The following WTIP variants were observed in gnomAD, a reference collection of about 807,000 sequenced individuals.
WTIP encodes Wilms tumor protein 1-interacting protein.
In WTIP, 23 loss-of-function variants were observed where a neutral mutation model predicts 41.7. That is an observed-to-expected ratio of 0.55 (90% CI 0.40 to 0.78). The LOEUF is 0.78. Ranked by LOEUF, WTIP falls within the 30% of genes least tolerant of loss-of-function variation. The pLI is 0.00. For synonymous variants in WTIP, 314 were observed against 269.9 expected (o/e 1.16, Z -1.60); for missense variants, 619 against 610.5 (o/e 1.01, Z -0.15).
At position 34,490,455 on chromosome 19, in the gene WTIP, C is replaced by T; in HGVS notation, c.747C>T (p.Asp249=). 1 of 1,613,952 alleles carries T rather than the reference C, an allele frequency of 6.2e-7. No individual in the cohort carries two copies. The highest frequency in any genetic ancestry group is 8.5e-7 in the Non-Finnish European group (1 of 1,179,856). Reference sequence around the variant, plus strand: ...CAATGGGGAGTCTTTATCACACTGACTGCTTCACCTGCGACTCGTGTGGTA... The same window carrying T: ...CAATGGGGAGTCTTTATCACACTGATTGCTTCACCTGCGACTCGTGTGGTA... ...CQAMGSLYHT[D]CFTCDSCGRR... The change falls in exon 2 of 8, where the codon GAC becomes GAT. Residue 249 remains aspartate, a synonymous_variant. Transcript: ENST00000590071.
chr19:34,485,118 C>T (rs2075791029), intron 1 of WTIP, among the ~76,000 whole-genome samples: 1 of 152,132 alleles, frequency 6.6e-6, no homozygotes, highest in Non-Finnish European at 1.5e-5. Flanking sequence ...GAGTCTTGCT[C>T]TGTCGCCCAG....
At chr19:34,497,461 G>A (rs1408682722) in intron 7 of WTIP, among the ~76,000 whole-genome samples, 1 of 152,196 alleles carries the variant, frequency 6.6e-6, no homozygotes, top group African/African-American at 2.4e-5. Context: ...GTCCCATGAT[G>A]GACACAGGGA....
chr19:34,482,327 A>T lies in WTIP; in HGVS notation c.353A>T (p.His118Leu). The stretch of plus-strand genomic sequence containing the variant: ...ATCAGCCTGGGCTACGACCAGCGCC[A>T]CGGCAGCCCGCGCTCCGGTCGCTCG... ...SGISLGYDQRHGSPRSGRSDP... is the reference protein window; with the variant it reads ...SGISLGYDQRLGSPRSGRSDP... The change falls in exon 1 of 8, where the codon CAC becomes CTC. Residue 118 changes from histidine to leucine, a missense_variant. His to Leu is a moderately conservative substitution (Grantham distance 99, BLOSUM62 -3). Around this residue, in one of 3 missense-constraint regions of WTIP, gnomAD observed 363 missense variants for 309.0 expected, o/e 1.17. Transcript: ENST00000590071. The T allele has an allele frequency of 2.2e-6, 3 of 1,384,554 alleles. No individual in the cohort carries two copies. The highest frequency in any genetic ancestry group is 2.8e-6 in the Non-Finnish European group (3 of 1,063,334). The allele number at this position is 1,384,554 out of a possible 1,614,324, so 85.8% of individuals were successfully genotyped here. A position where few individuals can be genotyped will look rare whatever the true frequency, so the allele number is the denominator to read the frequency against.
chr19:34,496,542 A>G (rs575513499), intron 7 of WTIP, among the ~76,000 whole-genome samples: 2 of 151,744 alleles, frequency 1.3e-5, no homozygotes, highest in East Asian at 3.9e-4. Flanking sequence ...TGGGGGAGGG[A>G]GTGAAGGCAG....
intron 1 of WTIP, among the ~76,000 whole-genome samples, chr19:34,483,392 A>C (rs1470843109): frequency 6.6e-6 from 1 of 152,010 alleles, no homozygotes; most frequent in African/African-American, 2.4e-5. Flanking sequence ...GATGAGCAGA[A>C]AGGGGTGCTT....
intron 1 of WTIP, among the ~76,000 whole-genome samples, chr19:34,482,917 CTAACT>C (rs536956132): frequency 2.6e-3 from 400 of 151,956 alleles, no homozygotes; most frequent in African/African-American, 9.2e-3. Flanking sequence ...TGTGCGGTTC[CTAACT>C]TAACAGGCAA....
In WTIP at chr19:34,482,442, C is replaced by G; in HGVS notation, c.468C>G (p.Tyr156Ter). The G allele has an allele frequency of 7.6e-7, 1 of 1,316,412 alleles. No homozygotes were observed. The allele number at this position is 1,316,412 out of a possible 1,614,324, so 81.5% of individuals were successfully genotyped here. The change falls in exon 1 of 8, where the codon TAC becomes TAG. Residue 156 changes from tyrosine to a stop codon, truncating the protein, a stop_gained. Transcript: ENST00000590071. LOFTEE classifies it high-confidence loss of function. ...GCTCCCGGGGCTCGGCCGGCGCCTA[C>G]GCTGACTTCCTCCCGCCCGGCGCCT... is the stretch of plus-strand genomic sequence containing the variant. ...SLGSRGSAGA[Y>*]ADFLPPGACP...
At chr19:34,490,734 C>T (rs2075821392) in intron 2 of WTIP, among the ~76,000 whole-genome samples, 1 of 152,234 alleles carries the variant, frequency 6.6e-6, no homozygotes, top group Admixed American at 6.5e-5. Flanking sequence ...GCTCATGTCA[C>T]CCAGCTGCCT....
In WTIP at chr19:34,501,056, CTG is replaced by C. The variant is rs1421818735; in HGVS notation, c.*791_*792del. The C allele has an allele frequency of 6.5e-6, 1 of 152,706 alleles. No individual in the cohort carries two copies. Among genetic ancestry groups the C allele is most frequent in the Non-Finnish European group, 1.5e-5 (1 of 68,050 alleles). The allele number at this position is 152,706 out of a possible 1,614,324, so 9.5% of individuals were successfully genotyped here. A position where few individuals can be genotyped will look rare whatever the true frequency, so the allele number is the denominator to read the frequency against. Reference sequence around the variant, plus strand: ...CGCCCTGGCCACGCTTCAGGAAAGCCTGTGTCTGCGCGCGGGGCAAGGGGCTC... The same window carrying C: ...CGCCCTGGCCACGCTTCAGGAAAGCCTGTCTGCGCGCGGGGCAAGGGGCTC... On this transcript the variant is annotated 3_prime_UTR_variant, in exon 8 of 8. Transcript: ENST00000590071.
At chr19:34,497,944 G>A (rs2075863637) in intron 7 of WTIP, among the ~76,000 whole-genome samples, 1 of 152,198 alleles carries the variant, frequency 6.6e-6, no homozygotes, top group Non-Finnish European at 1.5e-5. Flanking sequence ...AGTGAGAGCG[G>A]GGCAGGCGGC....
In WTIP at chr19:34,482,363, C is replaced by G; in HGVS notation, c.389C>G (p.Pro130Arg). Residue 130 changes from proline (P) to arginine (R), a missense_variant, in exon 1 of 8, where the codon CCC (proline) becomes CGC (arginine). This residue lies in a region of WTIP where 363 missense variants were observed against 309.0 expected (regional missense o/e 1.17). Coordinates refer to ENST00000590071, the MANE Select transcript of WTIP (RefSeq NM_001080436.2). The part of the protein sequence containing the change: ...SPRSGRSDPR[P>R]GPGPPSVGSA... ...CGCTCCGGTCGCTCGGACCCGCGTC[C>G]CGGTCCCGGGCCGCCTTCGGTGGGC... 7.2e-7 allele frequency: 1 copy of G among 1,383,170 alleles called. No homozygotes were observed. Among genetic ancestry groups the G allele is most frequent in the East Asian group, 3.4e-5 (1 of 29,536 alleles). The allele number at this position is 1,383,170 out of a possible 1,614,324, so 85.7% of individuals were successfully genotyped here.
At position 34,500,366 on chromosome 19, in the gene WTIP, T is replaced by A; in HGVS notation, c.*97T>A. 7.2e-7 allele frequency: 1 copy of A among 1,391,252 alleles called. No homozygotes were observed. The highest frequency in any genetic ancestry group is 1.4e-5 in the African/African-American group (1 of 69,602). 86.2% of individuals were successfully genotyped at this position (1,391,252 alleles called of 1,614,324 possible). On this transcript the variant is annotated 3_prime_UTR_variant, in exon 8 of 8. Coordinates refer to ENST00000590071, the MANE Select transcript of WTIP (RefSeq NM_001080436.2). ...TCAGCGTCAGGGGAGCTCCCTCCAA[T>A]CAGTTTCCCACCGAGCTGCTGTCTG...
chr19:34,494,784 G>C, intron 6 of WTIP, 147 bp downstream of exon 6: 1 of 829,072 alleles, frequency 1.2e-6, no homozygotes, highest in Non-Finnish European at 1.9e-6. Context: ...AGGGATGTGT[G>C]TTGTGCTTGT....
intron 7 of WTIP, among the ~76,000 whole-genome samples, chr19:34,496,851 G>T (rs2075856691): frequency 6.6e-6 from 1 of 151,404 alleles, no homozygotes; most frequent in Non-Finnish European, 1.5e-5. Flanking sequence ...CTGGCGTGTG[G>T]CGCTCTCTTC....
At chr19:34,483,917 CTTTTTTT>C (rs61308943) in intron 1 of WTIP, among the ~76,000 whole-genome samples, 11 of 66,868 alleles carry the variant, frequency 1.6e-4, no homozygotes, top group Non-Finnish European at 1.4e-4. Flanking sequence ...TGAACTGGAT[CTTTTTTT>C]TTTTTTTTTT....
Position 34,493,202 on chromosome 19 carries a change from C to T in WTIP, c.838-61C>T. Reference sequence around the variant, plus strand: ...GAGACCTGAGGCCAGGAGGCAGGTGCTAGCTGGGCCGCGAGTGCCCCTTTG... The same window carrying T: ...GAGACCTGAGGCCAGGAGGCAGGTGTTAGCTGGGCCGCGAGTGCCCCTTTG... On this transcript the variant is annotated intron_variant, in intron 3 of 7. Coordinates refer to ENST00000590071, the MANE Select transcript of WTIP (RefSeq NM_001080436.2). This position sits in a 1 kb window ranked among gnomAD's most constrained non-coding sequence, Gnocchi z 4.1. 1 of 1,612,596 alleles carries T rather than the reference C, an allele frequency of 6.2e-7. No homozygotes were observed. Among genetic ancestry groups the T allele is most frequent in the Non-Finnish European group, 8.5e-7 (1 of 1,178,790 alleles).
Position 34,490,473 on chromosome 19 carries a change from G to A in WTIP, c.765G>A (p.Ser255=), listed in dbSNP as rs528812252. The A allele has an allele frequency of 6.8e-6, 11 of 1,613,822 alleles. No homozygotes were observed. The highest frequency in any genetic ancestry group is 6.7e-5 in the East Asian group (3 of 44,876). The change falls in exon 2 of 8, where the codon TCG becomes TCA. Residue 255 remains serine (S), a synonymous_variant. Coordinates refer to ENST00000590071, the MANE Select transcript of WTIP (RefSeq NM_001080436.2). Reference sequence around the variant, plus strand: ...ACACTGACTGCTTCACCTGCGACTCGTGTGGTAGGTAACCTCGTGCCCTGG... The same window carrying A: ...ACACTGACTGCTTCACCTGCGACTCATGTGGTAGGTAACCTCGTGCCCTGG... ...LYHTDCFTCD[S]CGRRLRGKAF... is the part of the protein sequence containing the mutation.
Position 34,510,665 on chromosome 19 carries a change from AT to A in WTIP, c.*10402del, listed in dbSNP as rs1206683937. On this transcript the variant is annotated 3_prime_UTR_variant, in exon 8 of 8. Transcript: ENST00000590071. ...GCATCGTCAGGCTGCAAATTTTCCA[AT>A]TTTTTATGCTCTGTTTCCCTTTTAA... The A allele has an allele frequency of 6.6e-6, 1 of 152,136 alleles. No homozygotes were observed. The highest frequency in any genetic ancestry group is 2.4e-5 in the African/African-American group (1 of 41,436). The allele number at this position is 152,136 out of a possible 1,614,324, so 9.4% of individuals were successfully genotyped here. A position where few individuals can be genotyped will look rare whatever the true frequency, so the allele number is the denominator to read the frequency against.
intron 6 of WTIP, among the ~76,000 whole-genome samples, 167 bp from the exon 7 acceptor site, chr19:34,495,536 C>T (rs1004509161): frequency 6.6e-6 from 1 of 152,220 alleles, no homozygotes; most frequent in African/African-American, 2.4e-5. Context: ...TGTGTGTGTG[C>T]ACCTGCTGGA....
Sources: gnomAD v4.1 joint callset for allele counts (sites outside exome capture counted in the v4.1 genomes callset) on GRCh38, gnomAD v4.1.1 for gene constraint, gnomAD v4.1.1 regional missense constraint, Gnocchi (gnomAD v3.1) non-coding constraint, MANE v1.5 for transcripts, NCBI Gene and HGNC (gene_info 2026-07-23, HGNC 2026-07-21) for gene names.